CNTN4: variants seen among roughly 807,000 people sequenced by gnomAD.
The protein encoded by CNTN4 is contactin-4.
Under a neutral mutation model 122.5 loss-of-function variants are expected in CNTN4, and 77 were observed. That is an observed-to-expected ratio of 0.63 (90% CI 0.52 to 0.76). The LOEUF (loss-of-function observed/expected upper bound fraction) is 0.76, where lower values mean the gene tolerates loss of function less well. CNTN4 is among the 30% of genes least tolerant of loss of function. The pLI is 0.00. For missense variants in CNTN4, 1,256 were observed against 1,259.1 expected, an observed-to-expected ratio of 1.00 and a Z score of 0.04; for synonymous variants, 512 against 447.0, an observed-to-expected ratio of 1.15 and a Z score of -1.83.
chr3:2,609,023 C>T (rs1201668641), intron 4 of CNTN4, among the ~76,000 whole-genome samples: 1 of 152,192 alleles, frequency 6.6e-6, no homozygotes, highest in Admixed American at 6.5e-5. Context: ...TAAAAACCCT[C>T]ATACTTTAGA....
In CNTN4 at chr3:3,034,706, G is replaced by A. The variant is rs765856495; in HGVS notation, c.1858G>A (p.Gly620Arg). Residue 620 changes from glycine to arginine, a missense_variant, in exon 17 of 25, where the codon GGG (glycine) becomes AGG (arginine). Transcript: ENST00000418658. ...CACTGCTCAGCTCTCCTGGAGACCCGGGCCTGACAACCACAGCCCCATCAC... is the reference window on the plus strand; with the variant it reads ...CACTGCTCAGCTCTCCTGGAGACCCAGGCCTGACAACCACAGCCCCATCAC... The part of the protein sequence containing the change: ...DTTAQLSWRP[G>R]PDNHSPITMY... The A allele has an allele frequency of 1.2e-5, 19 of 1,613,984 alleles. No homozygotes were observed. Among genetic ancestry groups the A allele is most frequent in the Non-Finnish European group, 1.6e-5 (19 of 1,179,970 alleles).
intron 14 of CNTN4, among the ~76,000 whole-genome samples, chr3:3,024,296 A>G (rs1472722765): frequency 6.6e-6 from 1 of 151,680 alleles, no homozygotes; most frequent in Admixed American, 6.6e-5. Flanking sequence ...ATGTAAATTT[A>G]AAAACGTCAA....
chr3:2,333,309 C>A (rs1466750615), intron 2 of CNTN4, among the ~76,000 whole-genome samples: 1 of 152,212 alleles, frequency 6.6e-6, no homozygotes, highest in Admixed American at 6.5e-5. Context: ...GGTGATGATG[C>A]CTGTGTCACC....
intron 3 of CNTN4, among the ~76,000 whole-genome samples, chr3:2,428,033 AG>A (rs1203041585): frequency 1.3e-5 from 2 of 152,084 alleles, no homozygotes; most frequent in Non-Finnish European, 2.9e-5. Context: ...CCAATTTGCC[AG>A]TCTGTGTCTT....
At chr3:2,805,423 G>T (rs1035348706) in intron 6 of CNTN4, among the ~76,000 whole-genome samples, 1 of 152,190 alleles carries the variant, frequency 6.6e-6, no homozygotes, top group Non-Finnish European at 1.5e-5. Flanking sequence ...GAGCAATGTT[G>T]TGACGATGGA....
intron 13 of CNTN4, among the ~76,000 whole-genome samples, chr3:2,935,437 T>G (rs538575870): frequency 6.6e-6 from 1 of 152,206 alleles, no homozygotes; most frequent in African/African-American, 2.4e-5. Context: ...TTGTCTCTTG[T>G]GTGAATTTTG....
chr3:2,185,507 C>T (rs914201169), intron 2 of CNTN4, among the ~76,000 whole-genome samples: 3 of 152,086 alleles, frequency 2.0e-5, no homozygotes, highest in Non-Finnish European at 4.4e-5. Context: ...TTTCCATATG[C>T]TCTAAGTGGA....
At chr3:2,177,702 G>T (rs2036819759) in intron 2 of CNTN4, among the ~76,000 whole-genome samples, 1 of 145,758 alleles carries the variant, frequency 6.9e-6, no homozygotes, top group African/African-American at 2.5e-5. Flanking sequence ...GTATCTCCAG[G>T]AAACTTCAGT....
intron 2 of CNTN4, among the ~76,000 whole-genome samples, chr3:2,169,498 C>T (rs991708903): frequency 3.3e-5 from 5 of 151,854 alleles, no homozygotes; most frequent in East Asian, 2.0e-4. Context: ...GCTCCGCCTC[C>T]CGGGTTCCCG....
chr3:2,539,880 A>G (rs891522160), intron 3 of CNTN4, among the ~76,000 whole-genome samples: 5 of 152,080 alleles, frequency 3.3e-5, no homozygotes, highest in African/African-American at 9.7e-5. Context: ...TTTGCATACT[A>G]TAAAATGCCG....
At chr3:2,576,792 C>T (rs529817752) in intron 4 of CNTN4, among the ~76,000 whole-genome samples, 3 of 152,292 alleles carry the variant, frequency 2.0e-5, no homozygotes, top group South Asian at 2.1e-4. Context: ...AAATGATCCA[C>T]GTGCCTTGCC....
chr3:2,876,305 G>A (rs1194000751), intron 8 of CNTN4, among the ~76,000 whole-genome samples: 3 of 152,154 alleles, frequency 2.0e-5, no homozygotes, highest in South Asian at 4.1e-4. Context: ...CAACCCAGGG[G>A]AAAACATGCC....
At chr3:2,169,567 G>A (rs2036361645) in intron 2 of CNTN4, among the ~76,000 whole-genome samples, 1 of 150,610 alleles carries the variant, frequency 6.6e-6, no homozygotes, top group Non-Finnish European at 1.5e-5. Flanking sequence ...CACCACGCCC[G>A]GCTGATTTTT....
chr3:2,309,387 A>G (rs1048910972), intron 2 of CNTN4, among the ~76,000 whole-genome samples: 2 of 152,162 alleles, frequency 1.3e-5, no homozygotes, highest in African/African-American at 2.4e-5. Context: ...TAGTTAGATC[A>G]TGTGTTTTTT....
At chr3:2,641,370 G>T (rs1209058356) in intron 4 of CNTN4, among the ~76,000 whole-genome samples, 1 of 152,132 alleles carries the variant, frequency 6.6e-6, no homozygotes, top group Non-Finnish European at 1.5e-5. Flanking sequence ...TTGTAGACGT[G>T]AAAGCAGGAA....
chr3:2,163,065 C>T (rs2036033982), intron 2 of CNTN4, among the ~76,000 whole-genome samples: 1 of 152,146 alleles, frequency 6.6e-6, no homozygotes, highest in African/African-American at 2.4e-5. Context: ...CCACTGCACC[C>T]CAGCCTGAGC....
chr3:2,843,283 G>A (rs1162947454), intron 7 of CNTN4, among the ~76,000 whole-genome samples: 1 of 152,062 alleles, frequency 6.6e-6, no homozygotes, highest in African/African-American at 2.4e-5. Context: ...CATTCAATCT[G>A]TTTGCAAATC....
chr3:2,515,826 C>T (rs1260780988), intron 3 of CNTN4, among the ~76,000 whole-genome samples: 1 of 152,030 alleles, frequency 6.6e-6, no homozygotes, highest in South Asian at 2.1e-4. Context: ...GATTGTAGTG[C>T]TTTTTGTTTC....
chr3:2,447,097 A>C (rs1258908576), intron 3 of CNTN4, among the ~76,000 whole-genome samples: 1 of 152,104 alleles, frequency 6.6e-6, no homozygotes, highest in Non-Finnish European at 1.5e-5. Flanking sequence ...TCCTCTACTA[A>C]CTGCCTTCTA....
Sources: gnomAD v4.1 joint callset for allele counts (sites outside exome capture counted in the v4.1 genomes callset) on GRCh38, gnomAD v4.1.1 for gene constraint, MANE v1.5 for transcripts, NCBI Gene and HGNC (gene_info 2026-07-23, HGNC 2026-07-21) for gene names.